The following PPFIA2 variants were observed in gnomAD, a reference collection of about 807,000 sequenced individuals.
PPFIA2 encodes the protein PPFI scaffold protein A2.
In PPFIA2, 46 loss-of-function variants were observed where a neutral mutation model predicts 175.5. The ratio of observed to expected loss-of-function variants is 0.26; its 90% CI spans 0.21 to 0.34. PPFIA2 has a LOEUF of 0.34. Ranked by LOEUF, PPFIA2 falls within the 10% of genes least tolerant of loss-of-function variation. The probability of loss-of-function intolerance (pLI) is 1.00; values close to 1 mark genes in which losing one functional copy is unlikely to be tolerated. For missense variants in PPFIA2, 1,179 were observed against 1,506.1 expected, an observed-to-expected ratio of 0.78 and a Z score of 3.60; for synonymous variants, 568 against 511.4, an observed-to-expected ratio of 1.11 and a Z score of -1.49.
intron 4 of PPFIA2, among the ~76,000 whole-genome samples, chr12:81,602,964 G>A (rs2059941069): frequency 6.6e-6 from 1 of 151,810 alleles, no homozygotes; most frequent in Non-Finnish European, 1.5e-5. Context: ...GTTTCCGGTG[G>A]TTGATAAATG....
intron 19 of PPFIA2, among the ~76,000 whole-genome samples, chr12:81,343,034 G>A (rs1271860521): frequency 7.3e-5 from 11 of 151,486 alleles, no homozygotes. Context: ...AATTAGAGAG[G>A]GATTTGAATT....
chr12:81,633,485 A>T lies in PPFIA2; in HGVS notation c.303+43306T>A, dbSNP rs536406176. 5.9e-5 allele frequency among the ~76,000 whole-genome samples: 9 copies of T among 152,072 alleles called. 1 individual carries two copies. Among genetic ancestry groups the T allele is most frequent in the African/African-American group, 2.2e-4 (9 of 41,540 alleles). On this transcript the variant is annotated intron_variant, in intron 4 of 32. Transcript: ENST00000549396. Reference sequence around the variant, plus strand: ...TGTGATACAACATATTCTGAAGTTCACCTGGGGACCCAGGCAAGACAACTG... The same window carrying T: ...TGTGATACAACATATTCTGAAGTTCTCCTGGGGACCCAGGCAAGACAACTG...
At chr12:81,573,733 T>G (rs1256038533) in intron 4 of PPFIA2, among the ~76,000 whole-genome samples, 1 of 151,888 alleles carries the variant, frequency 6.6e-6, no homozygotes, top group Non-Finnish European at 1.5e-5. Flanking sequence ...TGCCAGGGGC[T>G]TCAAAATTGT....
intron 4 of PPFIA2, among the ~76,000 whole-genome samples, chr12:81,469,536 T>C (rs1317803428): frequency 6.6e-6 from 1 of 152,210 alleles, no homozygotes; most frequent in Non-Finnish European, 1.5e-5. Context: ...GTATGTTGAA[T>C]GAAAATTCTT....
rs1221461352 is a variant in PPFIA2 at position 81,758,515 on chromosome 12, C to G, written c.-110-8G>C. 1.3e-5 allele frequency: 6 copies of G among 445,876 alleles called. No individual in the cohort carries two copies. Among genetic ancestry groups the G allele is most frequent in the African/African-American group, 4.0e-5 (2 of 49,866 alleles). 27.6% of individuals were successfully genotyped at this position (445,876 alleles called of 1,614,324 possible). A position where few individuals can be genotyped will look rare whatever the true frequency, so the allele number is the denominator to read the frequency against. On this transcript the variant is annotated splice_polypyrimidine_tract_variant and splice_region_variant and intron_variant, in intron 1 of 32. Coordinates refer to ENST00000549396, the MANE Select transcript of PPFIA2 (RefSeq NM_003625.5). ...CACTCCTGGACCATTTCCCTAGCAA[C>G]GGGAGGAGAAAGGCAGCTCAGACAC...
At chr12:81,396,368 T>C (rs2041136172) in intron 8 of PPFIA2, among the ~76,000 whole-genome samples, 1 of 152,086 alleles carries the variant, frequency 6.6e-6, no homozygotes, top group Non-Finnish European at 1.5e-5. Context: ...TGTGCTATAA[T>C]ACATTACTAT....
rs1267782382 is a variant in PPFIA2 at position 81,509,073 on chromosome 12, A to G, written c.304-51207T>C. ...TTGTAGGGACATGGATGAAACTGGAAATCATCATTCTCAGTAAACTATCGC... is the reference window on the plus strand; with the variant it reads ...TTGTAGGGACATGGATGAAACTGGAGATCATCATTCTCAGTAAACTATCGC... On this transcript the variant is annotated intron_variant, in intron 4 of 32. Transcript: ENST00000549396. 3.3e-5 allele frequency among the ~76,000 whole-genome samples: 5 copies of G among 152,170 alleles called. No homozygotes were observed. In the East Asian group the frequency reaches 9.7e-4, roughly 29 times the overall value.
intron 3 of PPFIA2, among the ~76,000 whole-genome samples, chr12:81,682,594 G>A (rs1041690773): frequency 1.4e-4 from 22 of 151,838 alleles, no homozygotes; most frequent in Non-Finnish European, 2.6e-4. Context: ...TCTGTCAAAT[G>A]GTTATATTTA....
Position 81,299,298 on chromosome 12 carries a change from T to C in PPFIA2, c.2724+3A>G, listed in dbSNP as rs1259889283. On this transcript the variant is annotated splice_donor_region_variant and intron_variant, in intron 23 of 32. Transcript: ENST00000549396. Reference sequence around the variant, plus strand: ...CAAGGGCCTCCTAGTTTCATTCTCTTACCTCTAGCCATGCGACCACAGTTG... The same window carrying C: ...CAAGGGCCTCCTAGTTTCATTCTCTCACCTCTAGCCATGCGACCACAGTTG... 5 of 1,589,120 alleles carry C rather than the reference T, an allele frequency of 3.1e-6. No individual in the cohort carries two copies. Among genetic ancestry groups the C allele is most frequent in the Admixed American group, 3.5e-5 (2 of 56,798 alleles).
At chr12:81,723,304 T>C (rs2079599117) in intron 3 of PPFIA2, among the ~76,000 whole-genome samples, 1 of 151,052 alleles carries the variant, frequency 6.6e-6, no homozygotes, top group African/African-American at 2.4e-5. Context: ...CTACAGAAAA[T>C]GCACAGCCAA....
At chr12:81,687,188 G>A (rs796533149) in intron 3 of PPFIA2, among the ~76,000 whole-genome samples, 14 of 152,118 alleles carry the variant, frequency 9.2e-5, no homozygotes, top group African/African-American at 3.4e-4. Flanking sequence ...ACTTAAGTAA[G>A]GTCCCCATTC....
chr12:81,428,157 CTAT>C (rs2047472618), intron 7 of PPFIA2, among the ~76,000 whole-genome samples: 2 of 151,734 alleles, frequency 1.3e-5, no homozygotes, highest in South Asian at 4.1e-4. Flanking sequence ...CACGATCTTA[CTAT>C]TAATAGAGAA....
intron 4 of PPFIA2, among the ~76,000 whole-genome samples, chr12:81,552,257 T>C (rs2068051683): frequency 6.6e-6 from 1 of 151,844 alleles, no homozygotes; most frequent in Non-Finnish European, 1.5e-5. Context: ...TATGTAAGCA[T>C]AGAACTCTAT....
chr12:81,625,699 T>C (rs1362309906), intron 4 of PPFIA2, among the ~76,000 whole-genome samples: 1 of 151,592 alleles, frequency 6.6e-6, no homozygotes, highest in African/African-American at 2.4e-5. Context: ...ATTAGTATTG[T>C]AGGTATTAAA....
intron 4 of PPFIA2, among the ~76,000 whole-genome samples, chr12:81,601,537 A>T (rs1476271254): frequency 6.6e-6 from 1 of 151,766 alleles, no homozygotes; most frequent in Non-Finnish European, 1.5e-5. Context: ...CATCCCTTTA[A>T]CTCATGTTAA....
At chr12:81,482,345 C>A (rs1362567349) in intron 4 of PPFIA2, among the ~76,000 whole-genome samples, 1 of 152,186 alleles carries the variant, frequency 6.6e-6, no homozygotes, top group Non-Finnish European at 1.5e-5. Flanking sequence ...CCTCAAGGAT[C>A]TAGAACCAGA....
At chr12:81,593,229 G>T (rs1334415151) in intron 4 of PPFIA2, among the ~76,000 whole-genome samples, 1 of 151,970 alleles carries the variant, frequency 6.6e-6, no homozygotes, top group Non-Finnish European at 1.5e-5. Context: ...TGGTAAAGAG[G>T]TATTAAAAAT....
intron 5 of PPFIA2, 132 bp downstream of exon 5, chr12:81,457,633 T>C: frequency 1.9e-6 from 1 of 523,316 alleles, no homozygotes; most frequent in Non-Finnish European, 3.3e-6. Context: ...TTACTTTAAG[T>C]AACTGAGTTA....
intron 4 of PPFIA2, among the ~76,000 whole-genome samples, chr12:81,670,891 C>T (rs1298974208): frequency 2.0e-5 from 3 of 151,844 alleles, no homozygotes; most frequent in Admixed American, 6.6e-5. Flanking sequence ...TTTTTTGAGG[C>T]ACATTCTTCC....
Sources: allele counts gnomAD v4.1 joint callset (sites outside exome capture counted in the v4.1 genomes callset), GRCh38; gene constraint gnomAD v4.1.1; transcripts MANE v1.5; gene names NCBI Gene and HGNC (gene_info 2026-07-23, HGNC 2026-07-21).